The following NUDT4 variants were observed in gnomAD, a reference collection of about 807,000 sequenced individuals.
NUDT4 encodes diphosphoinositol polyphosphate phosphohydrolase 2.
In NUDT4, 5 loss-of-function variants were observed where a neutral mutation model predicts 23.1. That is an observed-to-expected ratio of 0.22 (90% CI 0.11 to 0.46). The LOEUF (loss-of-function observed/expected upper bound fraction) is 0.46, where lower values mean the gene tolerates loss of function less well. Among genes scored for constraint, NUDT4 ranks in the 20% least tolerant of loss-of-function variants. The pLI is 0.99. For missense variants in NUDT4, 96 were observed against 211.6 expected, an observed-to-expected ratio of 0.45 and a Z score of 3.39; for synonymous variants, 50 against 79.0, an observed-to-expected ratio of 0.63 and a Z score of 1.95.
intron 1 of NUDT4, among the ~76,000 whole-genome samples, chr12:93,390,925 G>T (rs1330738293): frequency 6.6e-6 from 1 of 152,106 alleles, no homozygotes; most frequent in Non-Finnish European, 1.5e-5. Flanking sequence ...GAGGTTCTAT[G>T]CCTAAATAGA....
Position 93,399,409 on chromosome 12 carries a change from T to G in NUDT4, c.*30T>G. ...AACTGGGTAGGCCTCTCCCACCATGTGCAGTCTCATGGGGAGAGGCTTCTT... is the reference window on the plus strand; with the variant it reads ...AACTGGGTAGGCCTCTCCCACCATGGGCAGTCTCATGGGGAGAGGCTTCTT... On this transcript the variant is annotated 3_prime_UTR_variant, in exon 5 of 5. Transcript: ENST00000415493. 1 of 587,464 alleles carries G rather than the reference T, an allele frequency of 1.7e-6. No individual in the cohort carries two copies. The allele number at this position is 587,464 out of a possible 1,614,324, so 36.4% of individuals were successfully genotyped here.
chr12:93,406,931 C>CAA lies in NUDT4; in HGVS notation c.*7553_*7554insAA, dbSNP rs1255451908. 1 of 152,204 alleles carries CAA rather than the reference C, an allele frequency of 6.6e-6. No homozygotes were observed. Among genetic ancestry groups the CAA allele is most frequent in the Non-Finnish European group, 1.5e-5 (1 of 68,040 alleles). 9.4% of individuals were successfully genotyped at this position (152,204 alleles called of 1,614,324 possible). A position where few individuals can be genotyped will look rare whatever the true frequency, so the allele number is the denominator to read the frequency against. ...GGATAACTAGAGCAGAAGCAAATCG[C>CAA]AGCGAAGTAGACTACAACAATCAAG... On this transcript the variant is annotated 3_prime_UTR_variant, in exon 5 of 5. Transcript: ENST00000415493.
chr12:93,397,569 C>T (rs1287610818), intron 3 of NUDT4, among the ~76,000 whole-genome samples: 2 of 151,940 alleles, frequency 1.3e-5, no homozygotes, highest in African/African-American at 4.8e-5. Flanking sequence ...TTCTGTCATC[C>T]AGGCTTTAGT....
intron 1 of NUDT4, among the ~76,000 whole-genome samples, chr12:93,394,256 C>G (rs1027558899): frequency 2.0e-5 from 3 of 152,214 alleles, no homozygotes; most frequent in Non-Finnish European, 2.9e-5. Flanking sequence ...CCCGCCTCGG[C>G]CTCCCAGAGT....
At chr12:93,395,185 C>T (rs182353520) in intron 2 of NUDT4, among the ~76,000 whole-genome samples, 5 of 152,222 alleles carry the variant, frequency 3.3e-5, no homozygotes, top group African/African-American at 1.2e-4. Flanking sequence ...AGGGTTTCAC[C>T]ATGTTGGCCA....
intron 3 of NUDT4, among the ~76,000 whole-genome samples, chr12:93,396,345 A>C (rs1456892765): frequency 3.3e-5 from 5 of 152,178 alleles, no homozygotes; most frequent in Non-Finnish European, 7.3e-5. Context: ...GGCAGAATAG[A>C]ATTTTCAGGG....
intron 3 of NUDT4, among the ~76,000 whole-genome samples, chr12:93,395,988 G>A (rs1876907534): frequency 6.6e-6 from 1 of 152,142 alleles, no homozygotes; most frequent in Admixed American, 6.5e-5. Context: ...CAAAGTGCTG[G>A]GATTACAGGC....
chr12:93,394,011 T>G (rs1156491397), intron 1 of NUDT4, among the ~76,000 whole-genome samples: 1 of 152,136 alleles, frequency 6.6e-6, no homozygotes, highest in Non-Finnish European at 1.5e-5. Context: ...CAAGTTTCTG[T>G]TTTTTGTTTT....
chr12:93,398,338 CA>C (rs34651915), intron 3 of NUDT4, among the ~76,000 whole-genome samples: 15,460 of 75,248 alleles, frequency 0.21, 716 homozygotes, highest in Admixed American at 0.28. Flanking sequence ...CTCCCTGTCT[CA>C]AAAAAAAAAA....
intron 1 of NUDT4, among the ~76,000 whole-genome samples, chr12:93,386,460 A>G (rs924398666): frequency 6.6e-6 from 1 of 152,052 alleles, no homozygotes; most frequent in African/African-American, 2.4e-5. Context: ...TGTACCTGTA[A>G]TCCCAGCTAC....
At chr12:93,385,049 G>C (rs538442486) in intron 1 of NUDT4, 1 of 152,162 alleles carries the variant, frequency 6.6e-6, no homozygotes, top group African/African-American at 2.4e-5. Flanking sequence ...GATTACAGGC[G>C]TGAGCCACCA....
At position 93,378,054 on chromosome 12, in the gene NUDT4, A is replaced by T; in HGVS notation, c.-269A>T. On this transcript the variant is annotated 5_prime_UTR_variant, in exon 1 of 5. An upstream start codon of the reference 5' UTR is lost. Transcript: ENST00000415493. ...CGGAGGCGAGCGGGAGTCGGGCTCC[A>T]TGGAGAGCGGCGGACAACTGGGCAG... The T allele has an allele frequency of 4.0e-6, 1 of 250,466 alleles. No individual in the cohort carries two copies. Among genetic ancestry groups the T allele is most frequent in the Non-Finnish European group, 7.8e-6 (1 of 128,132 alleles). The allele number at this position is 250,466 out of a possible 1,614,324, so 15.5% of individuals were successfully genotyped here.
intron 1 of NUDT4, among the ~76,000 whole-genome samples, chr12:93,381,831 G>A (rs1009011477): frequency 6.6e-6 from 1 of 152,230 alleles, no homozygotes; most frequent in Non-Finnish European, 1.5e-5. Context: ...TGAGATAGTA[G>A]ATGTGTTCAA....
chr12:93,386,025 G>T (rs1252126066), intron 1 of NUDT4, among the ~76,000 whole-genome samples: 1 of 146,600 alleles, frequency 6.8e-6, no homozygotes, highest in Non-Finnish European at 1.5e-5. Context: ...AGCCAGGCTG[G>T]AGTGCAGTGG....
chr12:93,382,439 G>A (rs1875736437), intron 1 of NUDT4, among the ~76,000 whole-genome samples: 1 of 152,002 alleles, frequency 6.6e-6, no homozygotes, highest in Non-Finnish European at 1.5e-5. Context: ...GTAAAGCTTT[G>A]GTGGGAAAGG....
intron 1 of NUDT4, among the ~76,000 whole-genome samples, chr12:93,383,827 G>C (rs571037602): frequency 6.6e-6 from 1 of 152,114 alleles, no homozygotes; most frequent in South Asian, 2.1e-4. Context: ...GCGAGACAGC[G>C]TCTCAGAAAC....
chr12:93,394,722 G>A lies in NUDT4; in HGVS notation c.210+3G>A. The A allele has an allele frequency of 1.3e-6, 2 of 1,526,772 alleles. No individual in the cohort carries two copies. The highest frequency in any genetic ancestry group is 1.8e-6 in the Non-Finnish European group (2 of 1,123,926). 94.6% of individuals were successfully genotyped at this position (1,526,772 alleles called of 1,614,324 possible). ...CCGTGAGGGAAGTTTATGAGGAGGT[G>A]AGATGTTCTTTCACACAAATTCTGT... On this transcript the variant is annotated splice_donor_region_variant and intron_variant, in intron 2 of 4. Coordinates refer to ENST00000415493, the MANE Select transcript of NUDT4 (RefSeq NM_019094.6).
intron 1 of NUDT4, among the ~76,000 whole-genome samples, chr12:93,390,371 A>C (rs1046019182): frequency 1.3e-5 from 2 of 152,214 alleles, no homozygotes; most frequent in Admixed American, 1.3e-4. Context: ...TATTTAACTT[A>C]AAAACTAACA....
At chr12:93,394,826 T>C (rs1592725419) in intron 2 of NUDT4, 107 bp downstream of exon 2, 1 of 619,070 alleles carries the variant, frequency 1.6e-6, no homozygotes, top group Non-Finnish European at 2.9e-6. Context: ...TTTTGCCTGA[T>C]GCAACTTTAT....
Sources: allele counts gnomAD v4.1 joint callset (sites outside exome capture counted in the v4.1 genomes callset), GRCh38; gene constraint gnomAD v4.1.1; transcripts MANE v1.5; gene names NCBI Gene and HGNC (gene_info 2026-07-23, HGNC 2026-07-21).